STK33: variants seen among roughly 807,000 people sequenced by gnomAD.
The protein encoded by STK33 is serine/threonine-protein kinase 33.
STK33 carries 52 observed loss-of-function variants against 58.0 expected under a neutral mutation model. The observed-to-expected ratio is 0.90, with a 90% confidence interval of 0.72 to 1.13. The LOEUF is 1.13. Among genes scored for constraint, STK33 ranks in the 50% most tolerant of loss-of-function variants. STK33 has a pLI of 0.00. For missense variants in STK33, 630 were observed against 604.2 expected (o/e 1.04, Z -0.45); for synonymous variants, 215 against 200.1 (o/e 1.07, Z -0.63).
At chr11:8,406,120 G>T (rs1459119410) in intron 15 of STK33, among the ~76,000 whole-genome samples, 1 of 136,794 alleles carries the variant, frequency 7.3e-6, no homozygotes, top group African/African-American at 2.7e-5. Flanking sequence ...TCCAGGCTGG[G>T]TGACAGAGCG....
At chr11:8,409,602 A>C (rs1939861085) in intron 15 of STK33, among the ~76,000 whole-genome samples, 1 of 152,208 alleles carries the variant, frequency 6.6e-6, no homozygotes, top group African/African-American at 2.4e-5. Flanking sequence ...GTAACTCACC[A>C]AACTCAGAGG....
At chr11:8,378,380 T>C in the STK33 span, among the ~76,000 whole-genome samples, 1 of 152,170 alleles carries the variant, frequency 6.6e-6, no homozygotes, top group Non-Finnish European at 1.5e-5. Flanking sequence ...TAGCTGGGCA[T>C]GGTGGTGCAT....
chr11:8,340,288 G>T, the STK33 span, among the ~76,000 whole-genome samples: 1 of 152,172 alleles, frequency 6.6e-6, no homozygotes, highest in African/African-American at 2.4e-5. Context: ...CCAAATCCAG[G>T]CTTGGCCTTA....
chr11:8,579,446 C>T (rs1193616605), intron 1 of STK33, among the ~76,000 whole-genome samples: 1 of 151,858 alleles, frequency 6.6e-6, no homozygotes, highest in African/African-American at 2.4e-5. Context: ...CTTTAAAATA[C>T]AATGCAATTT....
Position 8,485,470 on chromosome 11 carries a change from G to A in STK33, c.-465-4856C>T, listed in dbSNP as rs144995613. ...CCTAAAATCAGCAGGACTTTAGTCA[G>A]ATATTCCACTATACTACAAACAGAA... On this transcript the variant is annotated intron_variant, in intron 1 of 15. Transcript: ENST00000687296. 5.2e-4 allele frequency among the ~76,000 whole-genome samples: 79 copies of A among 152,310 alleles called. 1 individual carries two copies. Among genetic ancestry groups the A allele is most frequent in the African/African-American group, 1.8e-3 (75 of 41,584 alleles).
At chr11:8,415,473 T>C (rs75991984) in intron 14 of STK33, among the ~76,000 whole-genome samples, 8,967 of 152,174 alleles carry the variant, frequency 0.059, 457 homozygotes, top group East Asian at 0.27. Context: ...ATTCATCATG[T>C]TTCCAATTCC....
chr11:8,405,935 G>A lies in STK33; in HGVS notation c.1344+7560C>T, dbSNP rs1939076644. ...AGGTGGGCGGATCACGAGGTCAGGAGATCGAGACCATCCTGGCTAACATGG... is the reference window on the plus strand; with the variant it reads ...AGGTGGGCGGATCACGAGGTCAGGAAATCGAGACCATCCTGGCTAACATGG... On this transcript the variant is annotated intron_variant, in intron 15 of 15. Transcript: ENST00000687296. Among the ~76,000 whole-genome samples, 4 of 152,188 alleles carry A rather than the reference G, an allele frequency of 2.6e-5. No homozygotes were observed. The South Asian group carries it at 8.3e-4, about 32-fold the overall frequency.
chr11:8,420,411 G>A (rs1383127720), intron 14 of STK33, among the ~76,000 whole-genome samples: 2 of 152,156 alleles, frequency 1.3e-5, no homozygotes, highest in East Asian at 1.9e-4. Context: ...AGGAGAAAAC[G>A]GTTTGAGAAA....
intron 1 of STK33, among the ~76,000 whole-genome samples, chr11:8,581,653 C>T (rs1475407529): frequency 6.6e-6 from 1 of 152,124 alleles, no homozygotes; most frequent in Non-Finnish European, 1.5e-5. Flanking sequence ...AAGGATGGGT[C>T]CATTTCAAAG....
At chr11:8,488,369 G>T (rs368326515) in intron 1 of STK33, among the ~76,000 whole-genome samples, 1 of 151,802 alleles carries the variant, frequency 6.6e-6, no homozygotes. Flanking sequence ...AGGAATCTAG[G>T]AAGCTACACA....
chr11:8,556,163 C>G (rs1346257346), intron 1 of STK33, among the ~76,000 whole-genome samples: 1 of 152,076 alleles, frequency 6.6e-6, no homozygotes, highest in Non-Finnish European at 1.5e-5. Context: ...GAGACTAGGG[C>G]CAGTTGGGGA....
chr11:8,346,735 C>G, the STK33 span, among the ~76,000 whole-genome samples: 2 of 152,150 alleles, frequency 1.3e-5, no homozygotes, highest in African/African-American at 4.8e-5. Flanking sequence ...GACCCCTACT[C>G]TCATTTTCTT....
intron 1 of STK33, among the ~76,000 whole-genome samples, chr11:8,492,999 A>G (rs930065722): frequency 6.6e-6 from 1 of 152,246 alleles, no homozygotes; most frequent in Non-Finnish European, 1.5e-5. Context: ...AAAGCAGGAA[A>G]GATCTAAAAT....
In STK33 at chr11:8,497,565, G is replaced by A. The variant is rs374247550; in HGVS notation, c.-465-16951C>T. ...GCTCACTGCAGCCTTGACCTCTCTG[G>A]GCTCAAGTGATCCTCCCACCTCAGC... is the stretch of plus-strand genomic sequence containing the variant. On this transcript the variant is annotated intron_variant, in intron 1 of 15. Transcript: ENST00000687296. Among the ~76,000 whole-genome samples, 102 of 152,248 alleles carry A rather than the reference G, an allele frequency of 6.7e-4. 1 individual carries two copies. In the South Asian group the frequency reaches 0.021, roughly 31 times the overall value.
At chr11:8,488,127 C>A (rs939182296) in intron 1 of STK33, among the ~76,000 whole-genome samples, 1 of 152,134 alleles carries the variant, frequency 6.6e-6, no homozygotes, top group South Asian at 2.1e-4. Flanking sequence ...CTGGAATAAC[C>A]CACTTATAAG....
At chr11:8,423,350 T>A (rs980379354) in intron 14 of STK33, among the ~76,000 whole-genome samples, 2 of 152,004 alleles carry the variant, frequency 1.3e-5, no homozygotes, top group African/African-American at 2.4e-5. Context: ...ATTTTCTGTA[T>A]TTCTCCTTCT....
the STK33 span, among the ~76,000 whole-genome samples, chr11:8,361,825 G>A: frequency 5.3e-5 from 8 of 152,306 alleles, no homozygotes; most frequent in Non-Finnish European, 1.0e-4. The surrounding 1 kb of genome is among the most constrained non-coding windows in gnomAD (Gnocchi z 4.8). Flanking sequence ...CCACGGCAGC[G>A]AGTGGGCACC....
the STK33 span, among the ~76,000 whole-genome samples, chr11:8,340,627 G>A: frequency 2.6e-5 from 4 of 152,122 alleles, no homozygotes; most frequent in Non-Finnish European, 4.4e-5. Flanking sequence ...ACCAGAAGCT[G>A]GTCTCCAGCT....
chr11:8,424,271 G>A (rs1236362426), intron 14 of STK33, among the ~76,000 whole-genome samples: 2 of 151,360 alleles, frequency 1.3e-5, no homozygotes, highest in Admixed American at 6.6e-5. Flanking sequence ...AGTTTGCTGA[G>A]AATGATGGTT....
Sources: gnomAD v4.1 joint callset for allele counts (sites outside exome capture counted in the v4.1 genomes callset) on GRCh38, gnomAD v4.1.1 for gene constraint, Gnocchi (gnomAD v3.1) non-coding constraint, MANE v1.5 for transcripts, NCBI Gene and HGNC (gene_info 2026-07-23, HGNC 2026-07-21) for gene names.